Variants in APCDD1 observed in about 807,000 individuals in gnomAD.
APCDD1 encodes protein APCDD1.
A neutral mutation model predicts 38.1 loss-of-function variants in APCDD1; 15 were observed. The observed-to-expected ratio is 0.39, with a 90% confidence interval of 0.26 to 0.61. The LOEUF (loss-of-function observed/expected upper bound fraction) is 0.61. Among genes scored for constraint, APCDD1 ranks in the 20% least tolerant of loss-of-function variants. APCDD1 has a pLI of 0.49. For synonymous variants in APCDD1, 261 were observed against 279.7 expected, an observed-to-expected ratio of 0.93 and a Z score of 0.67; for missense variants, 647 against 696.2, an observed-to-expected ratio of 0.93 and a Z score of 0.79.
intron 3 of APCDD1, among the ~76,000 whole-genome samples, chr18:10,481,676 C>T (rs1227451242): frequency 8.0e-6 from 1 of 125,170 alleles, no homozygotes; most frequent in Admixed American, 8.4e-5. Context: ...TTTTTAAACA[C>T]AGTAATAAAA....
At chr18:10,456,377 C>G (rs918491935) in intron 1 of APCDD1, among the ~76,000 whole-genome samples, 1 of 152,040 alleles carries the variant, frequency 6.6e-6, no homozygotes, top group Admixed American at 6.5e-5. Context: ...AAACATGAAA[C>G]AAATCAGAGC....
rs2030836518 is a variant in APCDD1, at chr18:10,470,929, CCTTTA to C, written c.243-596_243-592del. 6.6e-6 allele frequency among the ~76,000 whole-genome samples: 1 copy of C among 152,170 alleles called. No homozygotes were observed. Among genetic ancestry groups the C allele is most frequent in the Admixed American group, 6.5e-5 (1 of 15,284 alleles). On this transcript the variant is annotated intron_variant, in intron 2 of 4. Transcript: ENST00000355285. The surrounding 1 kb of genome is among the most constrained non-coding windows in gnomAD (Gnocchi z 4.1). The stretch of plus-strand genomic sequence containing the variant: ...CAGCTTTGCTTTTAGTTAATTGCCC[CCTTTA>C]CTTTTCTACTAGAGAGAAAATTAAT...
rs748380187 is a variant in APCDD1 at position 10,467,302 on chromosome 18, T to C, written c.59-1167T>C. Among the ~76,000 whole-genome samples, 1 of 152,198 alleles carries C rather than the reference T, an allele frequency of 6.6e-6. No individual in the cohort carries two copies. The highest frequency in any genetic ancestry group is 2.4e-5 in the African/African-American group (1 of 41,440). On this transcript the variant is annotated intron_variant, in intron 1 of 4. Transcript: ENST00000355285. The surrounding 1 kb of genome is among the most constrained non-coding windows in gnomAD (Gnocchi z 4.8). ...AGCTATTTATGTGTTGATTAAAAAA[T>C]ATAATTGCTTCCTCACCAGTAGCAT... is the stretch of plus-strand genomic sequence containing the variant.
Position 10,471,709 on chromosome 18 carries a change from C to T in APCDD1, c.422C>T (p.Thr141Met), listed in dbSNP as rs762580615. Reference protein sequence around the residue: ...RQASWIIRGGTEADYQLHNVQ... With the variant: ...RQASWIIRGGMEADYQLHNVQ... Reference sequence around the variant, plus strand: ...GCCTCCTGGATCATCCGAGGGGGCACGGAAGCCGACTACCAGCTGCACAAC... The same window carrying T: ...GCCTCCTGGATCATCCGAGGGGGCATGGAAGCCGACTACCAGCTGCACAAC... Residue 141 changes from threonine (T) to methionine (M), a missense_variant, in exon 3 of 5, where the codon ACG becomes ATG. By Grantham distance (81) the Thr-to-Met change is moderately conservative. Transcript: ENST00000355285. This position sits in a 1 kb window ranked among gnomAD's most constrained non-coding sequence, Gnocchi z 5.5. 3.7e-5 allele frequency: 59 copies of T among 1,614,010 alleles called. No individual in the cohort carries two copies. The highest frequency in any genetic ancestry group is 1.6e-4 in the Middle Eastern group (1 of 6,084).
At position 10,460,204 on chromosome 18, in the gene APCDD1, A is replaced by G. The variant is rs559561280; in HGVS notation, c.58+5165A>G. Among the ~76,000 whole-genome samples the G allele has an allele frequency of 2.6e-5, 4 of 152,352 alleles. No individual in the cohort carries two copies. In the East Asian group the frequency reaches 7.7e-4, roughly 29 times the overall value. ...GAAAAACCGTGGAATATATTCATCT[A>G]GATAATTCAGATTGTTAAAACTTTG... On this transcript the variant is annotated intron_variant, in intron 1 of 4. Transcript: ENST00000355285.
At chr18:10,460,436 G>C (rs751453422) in intron 1 of APCDD1, among the ~76,000 whole-genome samples, 2 of 152,030 alleles carry the variant, frequency 1.3e-5, no homozygotes, top group African/African-American at 2.4e-5. Context: ...GGGAGGGTGA[G>C]GCAGGAATAT....
At chr18:10,464,684 G>A (rs911914567) in intron 1 of APCDD1, among the ~76,000 whole-genome samples, 2 of 152,142 alleles carry the variant, frequency 1.3e-5, no homozygotes, top group African/African-American at 4.8e-5. Flanking sequence ...GCCTCCCAGG[G>A]TGTTGGGATT....
chr18:10,478,277 C>G (rs1024156966), intron 3 of APCDD1, among the ~76,000 whole-genome samples: 1 of 152,228 alleles, frequency 6.6e-6, no homozygotes. Context: ...CTCTGAGTAC[C>G]CCTGGCACCA....
In APCDD1 at chr18:10,469,741, C is replaced by G. The variant is rs1242864515; in HGVS notation, c.242+1089C>G. On this transcript the variant is annotated intron_variant, in intron 2 of 4. Coordinates refer to ENST00000355285, the MANE Select transcript of APCDD1 (RefSeq NM_153000.5). This position sits in a 1 kb window ranked among gnomAD's most constrained non-coding sequence, Gnocchi z 5.5. ...AAAGAAGGGGACCCTTGAGCTGAGA[C>G]ATTGTTGGCTGTGCAAAGACTGTGG... Among the ~76,000 whole-genome samples the G allele has an allele frequency of 6.6e-6, 1 of 152,162 alleles. No individual in the cohort carries two copies. Among genetic ancestry groups the G allele is most frequent in the Non-Finnish European group, 1.5e-5 (1 of 68,034 alleles).
chr18:10,468,318 A>C, intron 1 of APCDD1, 151 bp from the exon 2 acceptor site: 2 of 847,198 alleles, frequency 2.4e-6, no homozygotes, highest in Non-Finnish European at 4.0e-6. Flanking sequence ...AATGTGCATC[A>C]TACACGAGAG....
intron 1 of APCDD1, among the ~76,000 whole-genome samples, chr18:10,465,418 A>G (rs1342384072): frequency 6.6e-6 from 1 of 152,178 alleles, no homozygotes; most frequent in Non-Finnish European, 1.5e-5. Context: ...CTCACTCATA[A>G]ATTACACTCT....
intron 3 of APCDD1, among the ~76,000 whole-genome samples, chr18:10,483,383 T>C (rs1808270344): frequency 6.6e-6 from 1 of 152,222 alleles, no homozygotes; most frequent in South Asian, 2.1e-4. Context: ...GCCCAGGACT[T>C]GGCCTTCATC....
At chr18:10,474,631 G>A (rs2030948040) in intron 3 of APCDD1, among the ~76,000 whole-genome samples, 1 of 152,106 alleles carries the variant, frequency 6.6e-6, no homozygotes, top group African/African-American at 2.4e-5. Flanking sequence ...TAGTACTGGG[G>A]GAAAAATTAA....
intron 1 of APCDD1, among the ~76,000 whole-genome samples, chr18:10,456,827 G>A (rs1204485981): frequency 6.6e-6 from 1 of 152,190 alleles, no homozygotes; most frequent in Non-Finnish European, 1.5e-5. Context: ...GGGATCTGAG[G>A]GAGGAGGGCT....
chr18:10,455,093 G>A, intron 1 of APCDD1, 54 bp downstream of exon 1: 10 of 1,543,844 alleles, frequency 6.5e-6, no homozygotes, highest in Non-Finnish European at 5.2e-6. Context: ...CAGCCCGGGC[G>A]CCGCGGAGCC....
chr18:10,469,267 G>A lies in APCDD1; in HGVS notation c.242+615G>A, dbSNP rs1470022750. Among the ~76,000 whole-genome samples, 2 of 152,102 alleles carry A rather than the reference G, an allele frequency of 1.3e-5. No individual in the cohort carries two copies. Among genetic ancestry groups the A allele is most frequent in the African/African-American group, 4.8e-5 (2 of 41,408 alleles). ...TGAGAATTAACAAGACTAACTCTGG[G>A]ATCTGATCACTTCTCCCTGTGCGCT... is the stretch of plus-strand genomic sequence containing the variant. On this transcript the variant is annotated intron_variant, in intron 2 of 4. Transcript: ENST00000355285. This position sits in a 1 kb window ranked among gnomAD's most constrained non-coding sequence, Gnocchi z 5.5.
rs114256170 is a variant in APCDD1, at chr18:10,468,638, C to T, written c.228C>T (p.His76=). ...AGATGCCACCTACAATCGAGGGCCA[C>T]TGGGTCTCCACAGGGTAAGAGGACA... ...TVQMPPTIEG[H]WVSTGCEVRS... is the part of the protein sequence containing the mutation. Residue 76 remains histidine (H), a synonymous_variant, in exon 2 of 5, where the codon CAC becomes CAT. Transcript: ENST00000355285. 5.8e-5 allele frequency: 94 copies of T among 1,613,642 alleles called. No homozygotes were observed. The African/African-American group carries it at 1.1e-3, about 19-fold the overall frequency.
chr18:10,466,570 T>G (rs895776780), intron 1 of APCDD1, among the ~76,000 whole-genome samples: 1 of 152,062 alleles, frequency 6.6e-6, no homozygotes, highest in Non-Finnish European at 1.5e-5. Context: ...AAGAGAAAAA[T>G]GACTGAATCA....
intron 3 of APCDD1, among the ~76,000 whole-genome samples, chr18:10,484,094 G>A (rs1045187226): frequency 6.6e-5 from 10 of 152,312 alleles, no homozygotes; most frequent in Middle Eastern, 3.4e-3. Context: ...TGCTGTGTCC[G>A]TGTTATAAAA....
Sources: gnomAD v4.1 joint callset for allele counts (sites outside exome capture counted in the v4.1 genomes callset) on GRCh38, gnomAD v4.1.1 for gene constraint, Gnocchi (gnomAD v3.1) non-coding constraint, MANE v1.5 for transcripts, NCBI Gene and HGNC (gene_info 2026-07-23, HGNC 2026-07-21) for gene names.